Variants in ADAMTSL1 observed in about 807,000 individuals in gnomAD.
ADAMTSL1 encodes the protein ADAMTS-like protein 1.
In ADAMTSL1, 126 loss-of-function variants were observed where a neutral mutation model predicts 201.8. That is an observed-to-expected ratio of 0.62 (90% CI 0.54 to 0.72). The LOEUF is 0.72. Ranked by LOEUF, ADAMTSL1 falls within the 30% of genes least tolerant of loss-of-function variation. The probability of loss-of-function intolerance (pLI) is 0.00; values close to 1 mark genes in which losing one functional copy is unlikely to be tolerated. For missense variants in ADAMTSL1, 2,679 were observed against 2,277.8 expected (o/e 1.18, Z -3.59); for synonymous variants, 1,121 against 903.4 (o/e 1.24, Z -4.32).
At chr9:17,975,339 A>C (rs1013195769) in intron 1 of ADAMTSL1, among the ~76,000 whole-genome samples, 2 of 152,044 alleles carry the variant, frequency 1.3e-5, no homozygotes, top group Non-Finnish European at 2.9e-5. Context: ...TTTATTTCTT[A>C]CAGTTCTTGG....
chr9:18,288,987 C>G (rs182440204), intron 2 of ADAMTSL1, among the ~76,000 whole-genome samples: 2 of 152,196 alleles, frequency 1.3e-5, no homozygotes, highest in East Asian at 3.9e-4. Context: ...GTAATTATAC[C>G]AGATGATCCT....
chr9:18,443,412 T>C (rs1232354922), intron 2 of ADAMTSL1, among the ~76,000 whole-genome samples: 3 of 152,230 alleles, frequency 2.0e-5, no homozygotes, highest in African/African-American at 7.2e-5. Flanking sequence ...TAAAGAATTA[T>C]CTGCAGGAGA....
intron 1 of ADAMTSL1, among the ~76,000 whole-genome samples, chr9:18,134,768 T>A (rs1229069688): frequency 1.3e-5 from 2 of 152,190 alleles, no homozygotes; most frequent in African/African-American, 4.8e-5. Context: ...TCTGAAATGA[T>A]ATTTTGATCT....
intron 1 of ADAMTSL1, among the ~76,000 whole-genome samples, chr9:18,123,714 G>T (rs1177196723): frequency 6.6e-6 from 1 of 152,144 alleles, no homozygotes; most frequent in Non-Finnish European, 1.5e-5. Flanking sequence ...CATAATTTTA[G>T]AACATTGCTG....
chr9:18,300,477 G>C (rs1385130512), intron 2 of ADAMTSL1, among the ~76,000 whole-genome samples: 1 of 151,966 alleles, frequency 6.6e-6, no homozygotes, highest in Non-Finnish European at 1.5e-5. Flanking sequence ...GGGGGGCTGG[G>C]GGAGGGATAG....
intron 1 of ADAMTSL1, among the ~76,000 whole-genome samples, chr9:17,920,832 T>A (rs1330288287): frequency 2.0e-5 from 3 of 152,226 alleles, no homozygotes; most frequent in Non-Finnish European, 2.9e-5. Flanking sequence ...TAGACAGTTG[T>A]AAACAAATGA....
intron 2 of ADAMTSL1, among the ~76,000 whole-genome samples, chr9:18,272,872 C>A (rs1446739099): frequency 6.6e-6 from 1 of 152,200 alleles, no homozygotes; most frequent in Non-Finnish European, 1.5e-5. Context: ...CAGTTAAAAT[C>A]TGCACCAACC....
chr9:17,957,282 A>G (rs1458849942), intron 1 of ADAMTSL1, among the ~76,000 whole-genome samples: 3 of 152,324 alleles, frequency 2.0e-5, no homozygotes, highest in East Asian at 3.9e-4. Context: ...TTGACTCCCC[A>G]GAATTCTGTC....
chr9:18,617,838 A>C (rs141749771), intron 4 of ADAMTSL1, among the ~76,000 whole-genome samples: 3 of 152,300 alleles, frequency 2.0e-5, no homozygotes, highest in Non-Finnish European at 4.4e-5. Context: ...CAAAATAAGC[A>C]ACACTGTGCA....
At chr9:18,315,455 G>A (rs1834348418) in intron 2 of ADAMTSL1, among the ~76,000 whole-genome samples, 2 of 152,058 alleles carry the variant, frequency 1.3e-5, no homozygotes, top group African/African-American at 4.8e-5. Flanking sequence ...GGTGGTTCGG[G>A]CATTGGGGGC....
In ADAMTSL1 at chr9:18,068,510, G is replaced by C. The variant is rs542147178; in HGVS notation, c.88-95352G>C. ...CATGTATGGATTTTGCTATTCTCTG[G>C]GGTTCTAGAACCAATCCTCCATGGA... On this transcript the variant is annotated intron_variant, in intron 1 of 29. Coordinates refer to the ADAMTSL1 transcript ENST00000680146. 4.9e-4 allele frequency among the ~76,000 whole-genome samples: 74 copies of C among 151,840 alleles called. No individual in the cohort carries two copies. The East Asian group carries it at 0.012, about 24-fold the overall frequency.
chr9:18,813,117 C>A (rs1823613162), intron 20 of ADAMTSL1, among the ~76,000 whole-genome samples: 1 of 151,914 alleles, frequency 6.6e-6, no homozygotes, highest in Non-Finnish European at 1.5e-5. Context: ...ACAGGCTGTG[C>A]CACCACGCCC....
chr9:18,888,948 C>T (rs943551468), intron 24 of ADAMTSL1, among the ~76,000 whole-genome samples: 1 of 152,150 alleles, frequency 6.6e-6, no homozygotes, highest in Non-Finnish European at 1.5e-5. Flanking sequence ...GAAGCCAGGG[C>T]CTATTTGCAA....
intron 2 of ADAMTSL1, among the ~76,000 whole-genome samples, chr9:18,365,956 G>C (rs1423938795): frequency 6.6e-6 from 1 of 152,138 alleles, no homozygotes; most frequent in Non-Finnish European, 1.5e-5. Context: ...CTGATGATTT[G>C]AGATGGAACA....
chr9:18,216,826 A>T (rs1203098313), intron 2 of ADAMTSL1, among the ~76,000 whole-genome samples: 1 of 152,108 alleles, frequency 6.6e-6, no homozygotes, highest in Admixed American at 6.6e-5. Flanking sequence ...CCATGTTAAT[A>T]GTATTGCATG....
In ADAMTSL1 at chr9:18,681,697, T is replaced by TGTGG. The variant is rs370940110; in HGVS notation, c.1342-114_1342-113insTGGG. 1,766 of 239,988 alleles carry TGTGG rather than the reference T, an allele frequency of 7.4e-3. 15 individuals are homozygous for TGTGG. Among genetic ancestry groups the TGTGG allele is most frequent in the African/African-American group, 9.3e-3 (144 of 15,448 alleles). 14.9% of individuals were successfully genotyped at this position (239,988 alleles called of 1,614,324 possible). A position where few individuals can be genotyped will look rare whatever the true frequency, so the allele number is the denominator to read the frequency against. On this transcript the variant is annotated intron_variant, in intron 11 of 28. Transcript: ENST00000380548. ...TATAAATTTACCAGGAGTCCTCGTG[T>TGTGG]GGGGGGGGGGGGCGGGGAAAAAGAA...
At chr9:18,569,608 G>A (rs1442676197) in intron 3 of ADAMTSL1, among the ~76,000 whole-genome samples, 1 of 152,128 alleles carries the variant, frequency 6.6e-6, no homozygotes, top group East Asian at 1.9e-4. Flanking sequence ...GGCTGGATGT[G>A]GGAGTCTGTA....
intron 1 of ADAMTSL1, among the ~76,000 whole-genome samples, chr9:17,925,801 C>T (rs896491908): frequency 2.0e-5 from 3 of 149,036 alleles, no homozygotes; most frequent in African/African-American, 7.4e-5. Flanking sequence ...CGCATGTATA[C>T]GTATGTAACT....
At chr9:18,785,143 G>A (rs1023287796) in intron 19 of ADAMTSL1, among the ~76,000 whole-genome samples, 3 of 149,870 alleles carry the variant, frequency 2.0e-5, no homozygotes, top group African/African-American at 4.9e-5. Flanking sequence ...TGGCCTGGGT[G>A]ACACAGTGAG....
Sources: allele counts gnomAD v4.1 joint callset (sites outside exome capture counted in the v4.1 genomes callset), GRCh38; gene constraint gnomAD v4.1.1; transcripts MANE v1.5; gene names NCBI Gene and HGNC (gene_info 2026-07-23, HGNC 2026-07-21).